NEDD4L: variants seen among roughly 807,000 people sequenced by gnomAD.
NEDD4L encodes E3 ubiquitin-protein ligase NEDD4-like.
A neutral mutation model predicts 148.9 loss-of-function variants in NEDD4L; 54 were observed. The ratio of observed to expected loss-of-function variants is 0.36; its 90% CI spans 0.29 to 0.45. The LOEUF (loss-of-function observed/expected upper bound fraction) is 0.45. Among genes scored for constraint, NEDD4L ranks in the 20% least tolerant of loss-of-function variants. The pLI is 1.00. For synonymous variants in NEDD4L, 433 were observed against 440.7 expected, an observed-to-expected ratio of 0.98 and a Z score of 0.22; for missense variants, 856 against 1,233.8, an observed-to-expected ratio of 0.69 and a Z score of 4.59.
At chr18:58,293,846 C>G (rs1239434739) in intron 5 of NEDD4L, among the ~76,000 whole-genome samples, 1 of 152,172 alleles carries the variant, frequency 6.6e-6, no homozygotes, top group African/African-American at 2.4e-5. Flanking sequence ...CCTCAGCTTC[C>G]CAAGTAGCTG....
intron 1 of NEDD4L, among the ~76,000 whole-genome samples, chr18:58,136,295 G>A (rs2032841514): frequency 6.6e-6 from 1 of 152,136 alleles, no homozygotes; most frequent in Non-Finnish European, 1.5e-5. Context: ...TCCGCATCCT[G>A]CCACTGAGTT....
intron 5 of NEDD4L, among the ~76,000 whole-genome samples, chr18:58,277,147 T>C (rs1418592617): frequency 6.6e-6 from 1 of 151,914 alleles, no homozygotes; most frequent in Non-Finnish European, 1.5e-5. Context: ...GGACGGGGAA[T>C]CCTGTGTATC....
At chr18:58,373,377 G>A (rs140459431) in intron 24 of NEDD4L, 108 bp downstream of exon 24, 196 of 676,754 alleles carry the variant, frequency 2.9e-4, no homozygotes, top group African/African-American at 2.9e-3. Context: ...ACCAGCAGGA[G>A]CTGCAGGTGT....
In NEDD4L at chr18:58,383,282, A is replaced by C; in HGVS notation, c.2389A>C (p.Ile797Leu). 1 of 1,544,134 alleles carries C rather than the reference A, an allele frequency of 6.5e-7. No individual in the cohort carries two copies. Among genetic ancestry groups the C allele is most frequent in the South Asian group, 1.2e-5 (1 of 83,972 alleles). ...GGATTTGAAGCCCAATGGGTCAGAAATAATGGTCACAAATGAAAACAAAAG... is the reference window on the plus strand; with the variant it reads ...GGATTTGAAGCCCAATGGGTCAGAACTAATGGTCACAAATGAAAACAAAAG... ...QVDLKPNGSE[I>L]MVTNENKREY... The change falls in exon 25 of 31, where the codon ATA becomes CTA. Residue 797 changes from isoleucine (I) to leucine (L), a missense_variant. Physicochemically the swap from Ile to Leu is conservative, Grantham distance 5 (BLOSUM62 2). Coordinates refer to ENST00000400345, the MANE Select transcript of NEDD4L (RefSeq NM_001144967.3).
intron 1 of NEDD4L, among the ~76,000 whole-genome samples, chr18:58,122,027 C>T (rs1053838087): frequency 6.6e-6 from 1 of 152,210 alleles, no homozygotes; most frequent in African/African-American, 2.4e-5. Flanking sequence ...CTGCTCAGAG[C>T]TTTGTTTTAT....
At chr18:58,146,968 A>G (rs1462060662) in intron 1 of NEDD4L, among the ~76,000 whole-genome samples, 1 of 152,104 alleles carries the variant, frequency 6.6e-6, no homozygotes, top group African/African-American at 2.4e-5. Context: ...ACACGTGGGT[A>G]AGGGTGGGAT....
At chr18:58,378,891 G>A (rs2047942550) in intron 24 of NEDD4L, among the ~76,000 whole-genome samples, 1 of 152,202 alleles carries the variant, frequency 6.6e-6, no homozygotes, top group African/African-American at 2.4e-5. Flanking sequence ...TTGTTAACTG[G>A]CCAAGGCAGG....
At chr18:58,376,454 C>T (rs1243390573) in intron 24 of NEDD4L, among the ~76,000 whole-genome samples, 1 of 152,140 alleles carries the variant, frequency 6.6e-6, no homozygotes, top group African/African-American at 2.4e-5. Flanking sequence ...AGGGAACTCA[C>T]GTATTTATTT....
chr18:58,375,269 G>A (rs2047415473), intron 24 of NEDD4L, among the ~76,000 whole-genome samples: 3 of 151,956 alleles, frequency 2.0e-5, no homozygotes, highest in Admixed American at 6.6e-5. Context: ...GCCTCCTGTC[G>A]GCCGCCCCCT....
chr18:58,165,634 ACTTCAGT>A (rs1226336827), intron 1 of NEDD4L, 147 bp from the exon 2 acceptor site: 1 of 1,505,700 alleles, frequency 6.6e-7, no homozygotes, highest in Non-Finnish European at 8.9e-7. Context: ...TGCTTTTTGA[ACTTCAGT>A]GTAAGGAAGA....
At chr18:58,310,054 T>C (rs1321576050) in intron 5 of NEDD4L, among the ~76,000 whole-genome samples, 1 of 151,972 alleles carries the variant, frequency 6.6e-6, no homozygotes, top group African/African-American at 2.4e-5. Context: ...TCTTGCTCGC[T>C]CTCTTTCTCT....
intron 1 of NEDD4L, among the ~76,000 whole-genome samples, chr18:58,100,077 AAGAC>A (rs2084659008): frequency 6.6e-6 from 1 of 152,154 alleles, no homozygotes; most frequent in African/African-American, 2.4e-5. Context: ...AGCCAAGACA[AAGAC>A]AGAAGCATGC....
chr18:58,310,805 C>T (rs2057603572), intron 5 of NEDD4L, among the ~76,000 whole-genome samples: 2 of 152,216 alleles, frequency 1.3e-5, no homozygotes, highest in Non-Finnish European at 2.9e-5. Flanking sequence ...GCCAGTGGCA[C>T]AGCTGATGGG....
At chr18:58,064,903 C>T (rs902084205) in intron 1 of NEDD4L, among the ~76,000 whole-genome samples, 2 of 152,110 alleles carry the variant, frequency 1.3e-5, no homozygotes, top group African/African-American at 4.8e-5. Context: ...GAGTTTGAGA[C>T]CAGCCCGGGC....
chr18:58,174,612 G>A lies in NEDD4L; in HGVS notation c.122+8751G>A, dbSNP rs190703292. 4.6e-5 allele frequency among the ~76,000 whole-genome samples: 7 copies of A among 152,212 alleles called. No homozygotes were observed. In the East Asian group the frequency reaches 1.4e-3, roughly 29 times the overall value. ...GTTCTTTTCCCCATGTTTCTTGTACGTACTGTGTATTAGAAGTTGGACTAA... is the reference window on the plus strand; with the variant it reads ...GTTCTTTTCCCCATGTTTCTTGTACATACTGTGTATTAGAAGTTGGACTAA... On this transcript the variant is annotated intron_variant, in intron 2 of 30. Transcript: ENST00000400345.
In NEDD4L at chr18:58,401,135, GA is replaced by G. The variant is rs1013569748; in HGVS notation, c.*4873del. ...CAGGATCTATCATCAAATGAAACATGAAAAAAACAGTGACTTTTAAGGTGAA... is the reference window on the plus strand; with the variant it reads ...CAGGATCTATCATCAAATGAAACATGAAAAAACAGTGACTTTTAAGGTGAA... On this transcript the variant is annotated 3_prime_UTR_variant, in exon 31 of 31. Coordinates refer to ENST00000400345, the MANE Select transcript of NEDD4L (RefSeq NM_001144967.3). The G allele has an allele frequency of 3.3e-5, 5 of 151,900 alleles. No homozygotes were observed. Among genetic ancestry groups the G allele is most frequent in the African/African-American group, 7.3e-5 (3 of 41,354 alleles). The allele number at this position is 151,900 out of a possible 1,614,324, so 9.4% of individuals were successfully genotyped here. A position where few individuals can be genotyped will look rare whatever the true frequency, so the allele number is the denominator to read the frequency against.
At chr18:58,112,974 G>C (rs1019755243) in intron 1 of NEDD4L, among the ~76,000 whole-genome samples, 4 of 152,174 alleles carry the variant, frequency 2.6e-5, no homozygotes, top group Non-Finnish European at 5.9e-5. Context: ...AAGTGAGCTT[G>C]TTTGCTCCTT....
intron 1 of NEDD4L, among the ~76,000 whole-genome samples, chr18:58,077,857 A>T (rs1260271333): frequency 6.6e-6 from 1 of 152,116 alleles, no homozygotes; most frequent in African/African-American, 2.4e-5. Context: ...CTCGAGAGAC[A>T]TTGGACAATG....
At chr18:58,097,509 C>T (rs2084489043) in intron 1 of NEDD4L, among the ~76,000 whole-genome samples, 1 of 152,248 alleles carries the variant, frequency 6.6e-6, no homozygotes, top group Non-Finnish European at 1.5e-5. Context: ...GCATTCTCAA[C>T]TAATTATAGC....
Sources: gnomAD v4.1 joint callset for allele counts (sites outside exome capture counted in the v4.1 genomes callset) on GRCh38, gnomAD v4.1.1 for gene constraint, MANE v1.5 for transcripts, NCBI Gene and HGNC (gene_info 2026-07-23, HGNC 2026-07-21) for gene names.